The following DLGAP2 variants were observed in gnomAD, a reference collection of about 807,000 sequenced individuals.
DLGAP2 encodes DLG associated protein 2.
DLGAP2 carries 26 observed loss-of-function variants against 100.3 expected under a neutral mutation model. That is an observed-to-expected ratio of 0.26 (90% CI 0.19 to 0.36). The LOEUF (loss-of-function observed/expected upper bound fraction) is 0.36, where lower values mean the gene tolerates loss of function less well. DLGAP2 is among the 10% of genes least tolerant of loss of function. The pLI is 1.00. For missense variants in DLGAP2, 1,858 were observed against 1,453.2 expected, an observed-to-expected ratio of 1.28 and a Z score of -4.53; for synonymous variants, 886 against 630.1, an observed-to-expected ratio of 1.41 and a Z score of -6.08.
intron 7 of DLGAP2, among the ~76,000 whole-genome samples, chr8:1,631,603 C>G (rs1585015034): frequency 6.6e-6 from 1 of 152,168 alleles, no homozygotes; most frequent in African/African-American, 2.4e-5. Flanking sequence ...CAGGAATCCT[C>G]AGACCTTTCT....
Position 831,916 on chromosome 8 carries a change from G to A in DLGAP2, c.19-75996G>A, listed in dbSNP as rs771710520. Among the ~76,000 whole-genome samples the A allele has an allele frequency of 3.9e-5, 6 of 152,026 alleles. 1 individual carries two copies. The highest frequency in any genetic ancestry group is 1.3e-4 in the Admixed American group (2 of 15,264). On this transcript the variant is annotated intron_variant, in intron 1 of 14. Transcript: ENST00000637795. ...TTTAATAATCACCATGCTGACTGGC[G>A]TGAGATGGTATCTCATTGTGATTTT...
At chr8:1,255,856 GGTGCCGTGTGTGTGTCCTCTC>G in intron 2 of DLGAP2, among the ~76,000 whole-genome samples, 9 of 121,172 alleles carry the variant, frequency 7.4e-5, no homozygotes, top group African/African-American at 3.6e-4. Context: ...CTCCTGCCTG[GGTGCCGTGTGTGTGTCCTCTC>G]ATCCTGCCTG....
intron 2 of DLGAP2, among the ~76,000 whole-genome samples, chr8:1,216,413 A>G (rs942366882): frequency 2.1e-4 from 32 of 152,034 alleles, no homozygotes; most frequent in African/African-American, 7.3e-4. Flanking sequence ...CAGTGGCTCA[A>G]TCTTGGCTCA....
chr8:1,428,536 A>G (rs1384197807), intron 3 of DLGAP2, among the ~76,000 whole-genome samples: 1 of 152,084 alleles, frequency 6.6e-6, no homozygotes, highest in Non-Finnish European at 1.5e-5. Flanking sequence ...GGACAGAATA[A>G]GAAAAGAAAA....
chr8:793,767 T>C (rs772544624), intron 1 of DLGAP2, among the ~76,000 whole-genome samples: 3 of 152,268 alleles, frequency 2.0e-5, no homozygotes, highest in African/African-American at 7.2e-5. Context: ...TTCTGCTTCA[T>C]CATGTTGGAT....
intron 1 of DLGAP2, among the ~76,000 whole-genome samples, chr8:755,062 A>G (rs978953359): frequency 1.2e-4 from 19 of 152,186 alleles, no homozygotes; most frequent in Admixed American, 5.9e-4. Context: ...CTGATGAGTC[A>G]TTCATTCATT....
chr8:1,372,565 T>A (rs1340842198), intron 3 of DLGAP2, among the ~76,000 whole-genome samples: 1 of 152,186 alleles, frequency 6.6e-6, no homozygotes, highest in East Asian at 1.9e-4. Context: ...CATCACTGGC[T>A]GCTGCCTGCT....
intron 2 of DLGAP2, among the ~76,000 whole-genome samples, chr8:1,114,229 G>C (rs1171200962): frequency 6.6e-6 from 1 of 152,096 alleles, no homozygotes; most frequent in Non-Finnish European, 1.5e-5. Flanking sequence ...AGTTGGGGAG[G>C]AGTCCCTCCT....
intron 2 of DLGAP2, among the ~76,000 whole-genome samples, chr8:1,127,411 TCCCTTCGTGTGTGGAGGC>T (rs528159953): frequency 1.1e-3 from 172 of 151,710 alleles, no homozygotes; most frequent in Middle Eastern, 3.4e-3. Flanking sequence ...CGTGTAGAGG[TCCCTTCGTGTGTGGAGGC>T]CCCTTCGTGT....
At chr8:1,378,028 G>C (rs1201328088) in intron 3 of DLGAP2, 2 of 145,882 alleles carry the variant, frequency 1.4e-5, no homozygotes, top group Admixed American at 1.3e-4. Context: ...CACTGAATCA[G>C]ACAGCTGCCC....
intron 3 of DLGAP2, among the ~76,000 whole-genome samples, chr8:1,480,162 TACCGA>T (rs1209912315): frequency 1.3e-5 from 2 of 152,172 alleles, no homozygotes; most frequent in Admixed American, 1.3e-4. Flanking sequence ...ACCACCACTG[TACCGA>T]ACATCCCCCC....
intron 1 of DLGAP2, among the ~76,000 whole-genome samples, chr8:829,660 A>G (rs1796745757): frequency 6.6e-6 from 1 of 152,224 alleles, no homozygotes; most frequent in Non-Finnish European, 1.5e-5. Context: ...CTTACCATAG[A>G]AAAATTAACA....
At chr8:1,163,850 T>G (rs936456735) in intron 2 of DLGAP2, among the ~76,000 whole-genome samples, 1 of 152,130 alleles carries the variant, frequency 6.6e-6, no homozygotes, top group Non-Finnish European at 1.5e-5. Context: ...GGAGCTCTGC[T>G]CAGCACTGCG....
chr8:1,629,869 T>G (rs1158086639), intron 7 of DLGAP2, among the ~76,000 whole-genome samples: 1 of 152,148 alleles, frequency 6.6e-6, no homozygotes, highest in Non-Finnish European at 1.5e-5. Flanking sequence ...CGTCGTCCTG[T>G]TTGGGGGTAA....
intron 3 of DLGAP2, among the ~76,000 whole-genome samples, chr8:1,328,476 A>C (rs1023716095): frequency 6.6e-6 from 1 of 151,314 alleles, no homozygotes; most frequent in Non-Finnish European, 1.5e-5. Context: ...TGCCTGACTA[A>C]TTTGTGTGTG....
chr8:1,573,431 GAGA>G (rs554598458), intron 6 of DLGAP2, among the ~76,000 whole-genome samples: 48 of 150,148 alleles, frequency 3.2e-4, no homozygotes, highest in African/African-American at 1.1e-3. Flanking sequence ...ATGGAGAGGA[GAGA>G]AGGTGAACTG....
intron 2 of DLGAP2, among the ~76,000 whole-genome samples, chr8:1,098,409 C>G (rs1260652616): frequency 6.6e-6 from 1 of 152,208 alleles, no homozygotes; most frequent in African/African-American, 2.4e-5. Context: ...GTGACTGGCT[C>G]CTCCTCACGA....
At chr8:781,769 G>T (rs978057145) in intron 1 of DLGAP2, among the ~76,000 whole-genome samples, 1 of 152,156 alleles carries the variant, frequency 6.6e-6, no homozygotes, top group Admixed American at 6.5e-5. Context: ...GTTGCTATGG[G>T]AACTACAACT....
chr8:1,456,664 G>C (rs1014182623), intron 3 of DLGAP2, among the ~76,000 whole-genome samples: 3 of 151,822 alleles, frequency 2.0e-5, no homozygotes, highest in African/African-American at 7.3e-5. Flanking sequence ...AAAATAAAAT[G>C]AGACCGATTG....
Sources: allele counts gnomAD v4.1 joint callset (sites outside exome capture counted in the v4.1 genomes callset), GRCh38; gene constraint gnomAD v4.1.1; transcripts MANE v1.5; gene names NCBI Gene and HGNC (gene_info 2026-07-23, HGNC 2026-07-21).